Variants in NRG3 observed in about 807,000 individuals in gnomAD.
NRG3 encodes pro-neuregulin-3, membrane-bound isoform.
Under a neutral mutation model 66.9 loss-of-function variants are expected in NRG3, and 31 were observed. The observed-to-expected ratio is 0.46, with a 90% CI of 0.35 to 0.63. The LOEUF (loss-of-function observed/expected upper bound fraction) is 0.63. NRG3 is among the 20% of genes least tolerant of loss of function. The probability of loss-of-function intolerance (pLI) is 0.00; values close to 1 mark genes in which losing one functional copy is unlikely to be tolerated. For missense variants in NRG3, 910 were observed against 878.9 expected (o/e 1.04, Z -0.45); for synonymous variants, 393 against 359.4 (o/e 1.09, Z -1.06).
chr10:81,987,348 G>A (rs767534204), intron 1 of NRG3, among the ~76,000 whole-genome samples: 1 of 152,196 alleles, frequency 6.6e-6, no homozygotes, highest in Non-Finnish European at 1.5e-5. Flanking sequence ...GCCTCCCAAA[G>A]TTCTGGGATG....
chr10:82,909,496 C>A (rs1173545458), intron 4 of NRG3, among the ~76,000 whole-genome samples: 2 of 152,060 alleles, frequency 1.3e-5, no homozygotes, highest in African/African-American at 4.8e-5. Flanking sequence ...TATTCAGTGA[C>A]CCCAAGGGGA....
chr10:82,409,623 T>A (rs1460399486), intron 2 of NRG3, among the ~76,000 whole-genome samples: 1 of 152,188 alleles, frequency 6.6e-6, no homozygotes, highest in Non-Finnish European at 1.5e-5. Context: ...TCTTCACTGC[T>A]TTTTTGTTCT....
At chr10:82,145,946 C>A (rs2070221045) in intron 1 of NRG3, among the ~76,000 whole-genome samples, 1 of 151,976 alleles carries the variant, frequency 6.6e-6, no homozygotes, top group South Asian at 2.1e-4. Context: ...GTGAACCATA[C>A]AGAACTTGCA....
intron 2 of NRG3, among the ~76,000 whole-genome samples, chr10:82,479,000 G>A (rs1842012876): frequency 6.6e-6 from 1 of 152,076 alleles, no homozygotes; most frequent in African/African-American, 2.4e-5. Flanking sequence ...TCTTTTTGGT[G>A]CAAGACAATG....
At chr10:82,904,040 T>C (rs1401154509) in intron 4 of NRG3, among the ~76,000 whole-genome samples, 1 of 152,136 alleles carries the variant, frequency 6.6e-6, no homozygotes, top group South Asian at 2.1e-4. Context: ...TATTTTAACA[T>C]CTTCTTTTTT....
chr10:81,972,967 A>G (rs947852698), intron 1 of NRG3, among the ~76,000 whole-genome samples: 3 of 152,292 alleles, frequency 2.0e-5, no homozygotes, highest in East Asian at 3.9e-4. Flanking sequence ...GGTTTGTTAC[A>G]TAGGTAAACT....
intron 1 of NRG3, among the ~76,000 whole-genome samples, chr10:82,336,653 G>T (rs1302024877): frequency 6.6e-6 from 1 of 151,722 alleles, no homozygotes; most frequent in Non-Finnish European, 1.5e-5. Flanking sequence ...CTCCCAAGTA[G>T]CTGGGATTAC....
In NRG3 at chr10:82,757,174, C is replaced by CA. The variant is rs563732624; in HGVS notation, c.1027+18530dup. ...TATGTTTATACTCACATAAAATGAGCAAAAAACGATAGTCCTCTTCAGGAA... is the reference window on the plus strand; with the variant it reads ...TATGTTTATACTCACATAAAATGAGCAAAAAAACGATAGTCCTCTTCAGGAA... On this transcript the variant is annotated intron_variant, in intron 3 of 8. Transcript: ENST00000372141. Among the ~76,000 whole-genome samples the CA allele has an allele frequency of 3.6e-4, 55 of 151,948 alleles. 1 individual carries two copies. The South Asian group carries it at 6.6e-3, about 18-fold the overall frequency.
chr10:82,161,769 G>A (rs2071620742), intron 1 of NRG3, among the ~76,000 whole-genome samples: 1 of 152,038 alleles, frequency 6.6e-6, no homozygotes, highest in African/African-American at 2.4e-5. Context: ...TTCTAGGAAA[G>A]AAAGATATCA....
intron 2 of NRG3, among the ~76,000 whole-genome samples, chr10:82,489,101 T>A (rs1254793690): frequency 6.6e-6 from 1 of 152,128 alleles, no homozygotes; most frequent in Admixed American, 6.6e-5. Context: ...AAACCACATA[T>A]ACAGATGAGA....
Position 81,932,247 on chromosome 10 carries a change from G to GGA in NRG3, c.823+56100_823+56101dup, listed in dbSNP as rs141650195. On this transcript the variant is annotated intron_variant, in intron 1 of 8. Transcript: ENST00000372141. ...GAGAGATTGAGAGAGAGGAGAGAGA[G>GGA]GAGAGAGAGAGAGAGAGGAAGTGCC... is the stretch of plus-strand genomic sequence containing the variant. Among the ~76,000 whole-genome samples, 320 of 149,624 alleles carry GGA rather than the reference G, an allele frequency of 2.1e-3. 2 individuals carry two copies. The highest frequency in any genetic ancestry group is 6.9e-3 in the Middle Eastern group (2 of 288).
intron 2 of NRG3, among the ~76,000 whole-genome samples, chr10:82,364,825 A>C (rs1398169459): frequency 6.6e-6 from 1 of 152,212 alleles, no homozygotes; most frequent in East Asian, 1.9e-4. Context: ...CTGGAAAAAG[A>C]ATAAGACAGC....
intron 3 of NRG3, among the ~76,000 whole-genome samples, chr10:82,842,980 A>G (rs1017830037): frequency 4.6e-5 from 7 of 152,250 alleles, no homozygotes; most frequent in African/African-American, 1.7e-4. Context: ...TTATGATAAG[A>G]TAGAATAATT....
At chr10:82,650,967 C>A (rs538427102) in intron 2 of NRG3, among the ~76,000 whole-genome samples, 1 of 152,250 alleles carries the variant, frequency 6.6e-6, no homozygotes, top group African/African-American at 2.4e-5. Context: ...CTTTCAGACA[C>A]TTAACACATT....
chr10:82,931,860 T>C (rs1194726278), intron 4 of NRG3, among the ~76,000 whole-genome samples: 1 of 152,204 alleles, frequency 6.6e-6, no homozygotes, highest in Non-Finnish European at 1.5e-5. Flanking sequence ...AGCAAACATT[T>C]ATGGCAATCT....
chr10:82,787,875 T>C (rs1285706030), intron 3 of NRG3, among the ~76,000 whole-genome samples: 6 of 152,174 alleles, frequency 3.9e-5, no homozygotes, highest in Non-Finnish European at 8.8e-5. Flanking sequence ...GGAGAACCAC[T>C]TGGCTATGTC....
chr10:82,514,453 A>G (rs1354781146), intron 2 of NRG3, among the ~76,000 whole-genome samples: 1 of 152,102 alleles, frequency 6.6e-6, no homozygotes, highest in Non-Finnish European at 1.5e-5. Context: ...TATTTTCCCT[A>G]TTGCTTGTTT....
In NRG3 at chr10:81,875,368, C is replaced by T. The variant is rs908679137; in HGVS notation, c.28C>T (p.Pro10Ser). MSEGAAAAS[P>S]PGAASAAAAS... is the part of the protein sequence containing the mutation. Reference sequence around the variant, plus strand: ...GAGTGAAGGGGCGGCCGCTGCCTCGCCACCTGGTGCCGCTTCGGCAGCCGC... The same window carrying T: ...GAGTGAAGGGGCGGCCGCTGCCTCGTCACCTGGTGCCGCTTCGGCAGCCGC... The change falls in exon 1 of 9, where the codon CCA becomes TCA. Residue 10 changes from proline (P) to serine (S), a missense_variant. Coordinates refer to ENST00000372141, the MANE Select transcript of NRG3 (RefSeq NM_001010848.4). The surrounding 1 kb of genome is among the most constrained non-coding windows in gnomAD (Gnocchi z 5.3). 129 of 992,460 alleles carry T rather than the reference C, an allele frequency of 1.3e-4. No individual in the cohort carries two copies. The African/African-American group carries it at 2.0e-3, about 15-fold the overall frequency. The allele number at this position is 992,460 out of a possible 1,614,324, so 61.5% of individuals were successfully genotyped here.
chr10:82,916,936 C>G (rs950800324), intron 4 of NRG3, among the ~76,000 whole-genome samples: 9 of 152,152 alleles, frequency 5.9e-5, no homozygotes, highest in African/African-American at 2.2e-4. Context: ...AAAATGCCCT[C>G]TAAATCATAA....
Sources: allele counts gnomAD v4.1 joint callset (sites outside exome capture counted in the v4.1 genomes callset), GRCh38; gene constraint gnomAD v4.1.1; non-coding constraint Gnocchi (gnomAD v3.1); transcripts MANE v1.5; gene names NCBI Gene and HGNC (gene_info 2026-07-23, HGNC 2026-07-21).